The following ANKFN1 variants were observed in gnomAD, a reference collection of about 807,000 sequenced individuals.
ANKFN1 encodes ankyrin repeat and fibronectin type-III domain-containing protein 1.
Under a neutral mutation model 108.7 loss-of-function variants are expected in ANKFN1, and 74 were observed. The observed-to-expected ratio is 0.68, with a 90% CI of 0.56 to 0.83. The LOEUF (loss-of-function observed/expected upper bound fraction) is 0.83, where lower values mean the gene tolerates loss of function less well. Among genes scored for constraint, ANKFN1 ranks in the 40% least tolerant of loss-of-function variants. ANKFN1 has a pLI of 0.00. For synonymous variants in ANKFN1, 547 were observed against 516.2 expected, an observed-to-expected ratio of 1.06 and a Z score of -0.81; for missense variants, 1,505 against 1,382.3, an observed-to-expected ratio of 1.09 and a Z score of -1.41.
chr17:56,415,957 T>C (rs1191239293), intron 8 of ANKFN1, among the ~76,000 whole-genome samples: 3 of 152,080 alleles, frequency 2.0e-5, no homozygotes, highest in Non-Finnish European at 4.4e-5. Context: ...AGAACGTACA[T>C]TGGAGAAAGG....
intron 8 of ANKFN1, among the ~76,000 whole-genome samples, chr17:56,384,329 CAAA>C (rs1361736763): frequency 1.3e-5 from 2 of 151,004 alleles, no homozygotes; most frequent in Non-Finnish European, 3.0e-5. Flanking sequence ...GGACGTATCT[CAAA>C]ATAATAAGAG....
At chr17:56,054,256 A>G (rs1049709092) in intron 4 of ANKFN1, among the ~76,000 whole-genome samples, 3 of 152,264 alleles carry the variant, frequency 2.0e-5, no homozygotes, top group Non-Finnish European at 4.4e-5. Context: ...ATTATATGAA[A>G]AGGACACTTA....
At chr17:56,349,817 G>A (rs1329585351) in intron 4 of ANKFN1, among the ~76,000 whole-genome samples, 2 of 152,092 alleles carry the variant, frequency 1.3e-5, no homozygotes, top group Admixed American at 6.6e-5. Flanking sequence ...TGGTGAGAAG[G>A]CAGTGACATG....
chr17:56,424,186 A>G (rs1257380779), intron 8 of ANKFN1, among the ~76,000 whole-genome samples: 2 of 152,198 alleles, frequency 1.3e-5, no homozygotes, highest in Admixed American at 6.5e-5. Flanking sequence ...ACCCTTCATC[A>G]TGGACCTGCA....
intron 4 of ANKFN1, among the ~76,000 whole-genome samples, chr17:56,126,383 G>T (rs148862602): frequency 1.3e-4 from 20 of 152,254 alleles, no homozygotes; most frequent in African/African-American, 4.3e-4. Context: ...GCAAAGAGAT[G>T]CTTTTCTCCC....
At chr17:56,384,345 A>G (rs1269348080) in intron 8 of ANKFN1, among the ~76,000 whole-genome samples, 1 of 152,292 alleles carries the variant, frequency 6.6e-6, no homozygotes, top group African/African-American at 2.4e-5. Context: ...AATAAGAGCT[A>G]TCTATGACAA....
At chr17:56,463,949 T>C (rs1453110168) in intron 14 of ANKFN1, 1 of 152,200 alleles carries the variant, frequency 6.6e-6, no homozygotes, top group African/African-American at 2.4e-5. Flanking sequence ...TTTGTCCTGG[T>C]TATAACCTAG....
chr17:56,373,281 T>G (rs1310504395), intron 7 of ANKFN1, among the ~76,000 whole-genome samples: 1 of 152,240 alleles, frequency 6.6e-6, no homozygotes, highest in Non-Finnish European at 1.5e-5. Context: ...AGCTATAAAC[T>G]GAACTTCAGT....
intron 3 of ANKFN1, among the ~76,000 whole-genome samples, chr17:56,274,479 A>G (rs2043870567): frequency 6.6e-6 from 1 of 151,362 alleles, no homozygotes; most frequent in Non-Finnish European, 1.5e-5. Flanking sequence ...CCTCAAAAAA[A>G]TAATAATAAT....
rs1434209001 is a variant in ANKFN1, at chr17:56,466,489, T to C, written c.1691T>C (p.Ile564Thr). The change falls in exon 15 of 21, where the codon ATC (isoleucine) becomes ACC (threonine). Residue 564 changes from isoleucine to threonine, a missense_variant. Transcript: ENST00000682825. ...YSFFNGKWMQ[I>T]SKLQSQRKSL... is the part of the protein sequence containing the mutation. ...TTTTTTAATGGCAAATGGATGCAGA[T>C]CTCAAAGCTGCAAAGCCAGAGAAAG... The C allele has an allele frequency of 3.7e-6, 6 of 1,614,002 alleles. No individual in the cohort carries two copies. The highest frequency in any genetic ancestry group is 2.2e-5 in the East Asian group (1 of 44,866).
intron 2 of ANKFN1, among the ~76,000 whole-genome samples, chr17:56,219,283 G>A (rs527463340): frequency 4.1e-4 from 62 of 151,218 alleles, no homozygotes; most frequent in African/African-American, 1.2e-3. Flanking sequence ...GTCTCACTCC[G>A]TCACCCAGGC....
At chr17:56,183,947 T>C (rs1038562207) in intron 1 of ANKFN1, among the ~76,000 whole-genome samples, 11 of 152,326 alleles carry the variant, frequency 7.2e-5, no homozygotes, top group African/African-American at 2.6e-4. Flanking sequence ...TGATACATCT[T>C]GAATGGATAT....
At chr17:56,242,185 A>G (rs913944701) in intron 3 of ANKFN1, among the ~76,000 whole-genome samples, 5 of 151,986 alleles carry the variant, frequency 3.3e-5, no homozygotes, top group African/African-American at 4.8e-5. Flanking sequence ...ACTATTACCT[A>G]TATCTTCTCT....
chr17:56,099,555 G>T (rs1220464854), intron 4 of ANKFN1, among the ~76,000 whole-genome samples: 1 of 152,130 alleles, frequency 6.6e-6, no homozygotes, highest in South Asian at 2.1e-4. Flanking sequence ...GTACTCTGGG[G>T]ACATAAAGGT....
chr17:56,437,014 A>T (rs1054034054), intron 8 of ANKFN1, among the ~76,000 whole-genome samples: 2 of 152,202 alleles, frequency 1.3e-5, no homozygotes, highest in African/African-American at 2.4e-5. Context: ...TGGTTGCCCC[A>T]GAATAGATTG....
At chr17:56,400,815 A>G (rs55844101) in intron 8 of ANKFN1, among the ~76,000 whole-genome samples, 7,048 of 152,146 alleles carry the variant, frequency 0.046, 485 homozygotes, top group African/African-American at 0.16. Flanking sequence ...TGGCTAGCCA[A>G]TTATCCCAGC....
chr17:56,467,799 A>AAAG (rs1491521421), intron 15 of ANKFN1, among the ~76,000 whole-genome samples: 272 of 19,968 alleles, frequency 0.014, no homozygotes, highest in African/African-American at 0.041. Flanking sequence ...AAGAAGAAAG[A>AAAG]AAGAAAGAAA....
intron 8 of ANKFN1, among the ~76,000 whole-genome samples, chr17:56,418,474 C>T (rs1211581161): frequency 6.6e-6 from 1 of 152,002 alleles, no homozygotes; most frequent in Non-Finnish European, 1.5e-5. Flanking sequence ...TGAAAATGTT[C>T]AAGTCGATTT....
At chr17:56,110,046 A>G (rs775467266) in intron 4 of ANKFN1, among the ~76,000 whole-genome samples, 14 of 152,324 alleles carry the variant, frequency 9.2e-5, no homozygotes, top group East Asian at 7.7e-4. Context: ...GTGGTGCTTA[A>G]TTGCAAAGAG....
Sources: gnomAD v4.1 joint callset for allele counts (sites outside exome capture counted in the v4.1 genomes callset) on GRCh38, gnomAD v4.1.1 for gene constraint, MANE v1.5 for transcripts, NCBI Gene and HGNC (gene_info 2026-07-23, HGNC 2026-07-21) for gene names.